Variants in SGK1 observed in about 807,000 individuals in gnomAD.
The protein encoded by SGK1 is serum/glucocorticoid regulated kinase 1.
A neutral mutation model predicts 64.2 loss-of-function variants in SGK1; 26 were observed. The ratio of observed to expected loss-of-function variants is 0.40; its 90% CI spans 0.30 to 0.56. The LOEUF (loss-of-function observed/expected upper bound fraction) is 0.56, where lower values mean the gene tolerates loss of function less well. SGK1 is among the 20% of genes least tolerant of loss of function. The pLI is 0.38. For synonymous variants in SGK1, 265 were observed against 239.7 expected, an observed-to-expected ratio of 1.11 and a Z score of -0.98; for missense variants, 519 against 645.6, an observed-to-expected ratio of 0.80 and a Z score of 2.12.
intron 3 of SGK1, among the ~76,000 whole-genome samples, chr6:134,175,184 CCT>C (rs1384922325): frequency 6.6e-6 from 1 of 152,136 alleles, no homozygotes; most frequent in Non-Finnish European, 1.5e-5. Flanking sequence ...TAGTTTTCCA[CCT>C]CTCTCATTTA....
intron 2 of SGK1, among the ~76,000 whole-genome samples, chr6:134,213,591 G>C (rs1344194318): frequency 1.0e-5 from 1 of 99,384 alleles, no homozygotes; most frequent in Non-Finnish European, 2.1e-5. Flanking sequence ...TCCAGCCTGG[G>C]TGACAAGAGC....
At chr6:134,312,648 C>T (rs1480752321) in intron 1 of SGK1, among the ~76,000 whole-genome samples, 1 of 152,196 alleles carries the variant, frequency 6.6e-6, no homozygotes, top group Non-Finnish European at 1.5e-5. Flanking sequence ...GGGATCCAAA[C>T]CCTGATCCTG....
Position 134,296,959 on chromosome 6 carries a change from G to A in SGK1, c.69+20433C>T, listed in dbSNP as rs118142934. 2,133 of 411,710 alleles carry A rather than the reference G, an allele frequency of 5.2e-3. 92 individuals are homozygous for A. The East Asian group carries it at 0.11, about 21-fold the overall frequency. The allele number at this position is 411,710 out of a possible 1,614,324, so 25.5% of individuals were successfully genotyped here. A position where few individuals can be genotyped will look rare whatever the true frequency, so the allele number is the denominator to read the frequency against. ...CTCCCTCCTGGGCTCTGGGGCAGCC[G>A]CAAGAGGGGCAGGCTGGGAGGGGCT... On this transcript the variant is annotated intron_variant, in intron 1 of 13. Coordinates refer to ENST00000367858, the MANE Select transcript of SGK1 (RefSeq NM_001143676.3).
chr6:134,186,387 A>G (rs994631467), intron 3 of SGK1, among the ~76,000 whole-genome samples: 1 of 152,222 alleles, frequency 6.6e-6, no homozygotes, highest in Non-Finnish European at 1.5e-5. Flanking sequence ...AAAGTCAATA[A>G]ATCTTGTAAA....
At chr6:134,193,038 C>A (rs1775539899) in intron 3 of SGK1, among the ~76,000 whole-genome samples, 1 of 152,178 alleles carries the variant, frequency 6.6e-6, no homozygotes, top group African/African-American at 2.4e-5. Flanking sequence ...TTACATTTAA[C>A]CAGATAAAAC....
At chr6:134,208,051 A>G (rs1420368311) in intron 2 of SGK1, among the ~76,000 whole-genome samples, 1 of 152,122 alleles carries the variant, frequency 6.6e-6, no homozygotes, top group Non-Finnish European at 1.5e-5. Context: ...AGCTGGGATT[A>G]TAGGCGTGTG....
chr6:134,235,277 A>G (rs1382928806), intron 2 of SGK1, among the ~76,000 whole-genome samples: 3 of 152,196 alleles, frequency 2.0e-5, no homozygotes, highest in African/African-American at 4.8e-5. Flanking sequence ...GAGATGTGCT[A>G]TGTAAGCTTT....
rs779036469 is a variant in SGK1 at position 134,317,416 on chromosome 6, T to C, written c.45A>G (p.Ser15=). The C allele has an allele frequency of 2.7e-5, 44 of 1,609,554 alleles. No individual in the cohort carries two copies. The highest frequency in any genetic ancestry group is 3.7e-5 in the Non-Finnish European group (44 of 1,175,840). ...CCCGCTTCTTAAAAAATTGGAAGGC[T>C]GAGCATTTCTTGACTGGGAATCCAT... The part of the protein sequence containing the change: ...DMNGFPVKKC[S]AFQFFKKRVR... The change falls in exon 1 of 14, where the codon TCA becomes TCG. Residue 15 remains serine (S), a synonymous_variant. Transcript: ENST00000367858.
chr6:134,170,051 T>C lies in SGK1; in HGVS notation c.*217A>G. ...GCTCGTTTCAGAGATAGCACCACGT[T>C]GGAAGGAAGAATAAAAATGAAAACC... On this transcript the variant is annotated 3_prime_UTR_variant, in exon 14 of 14. Transcript: ENST00000367858. The C allele has an allele frequency of 2.7e-6, 1 of 374,696 alleles. No homozygotes were observed. Among genetic ancestry groups the C allele is most frequent in the Non-Finnish European group, 4.9e-6 (1 of 206,002 alleles). 23.2% of individuals were successfully genotyped at this position (374,696 alleles called of 1,614,324 possible). A position where few individuals can be genotyped will look rare whatever the true frequency, so the allele number is the denominator to read the frequency against.
intron 3 of SGK1, among the ~76,000 whole-genome samples, chr6:134,191,665 T>G (rs1775511229): frequency 6.6e-6 from 1 of 151,548 alleles, no homozygotes; most frequent in African/African-American, 2.4e-5. Flanking sequence ...TTTTGTTTTT[T>G]TGTTTTTGTT....
chr6:134,280,145 C>T (rs1022332535), intron 1 of SGK1, among the ~76,000 whole-genome samples: 2 of 147,336 alleles, frequency 1.4e-5, no homozygotes, highest in African/African-American at 5.1e-5. Context: ...CAGTGAGCCA[C>T]GATCATGCCA....
At chr6:134,258,654 G>A (rs1051991271) in intron 2 of SGK1, among the ~76,000 whole-genome samples, 1 of 152,094 alleles carries the variant, frequency 6.6e-6, no homozygotes, top group Non-Finnish European at 1.5e-5. Context: ...CTAGTAAGCC[G>A]AGATCGCGCC....
At chr6:134,175,130 G>A (rs896477522) in intron 3 of SGK1, among the ~76,000 whole-genome samples, 9 of 152,168 alleles carry the variant, frequency 5.9e-5, no homozygotes, top group African/African-American at 1.9e-4. Flanking sequence ...AGGAGAGAGA[G>A]AACGCGCCGG....
chr6:134,220,042 G>A (rs1289081589), intron 2 of SGK1, among the ~76,000 whole-genome samples: 1 of 103,306 alleles, frequency 9.7e-6, no homozygotes, highest in Non-Finnish European at 1.9e-5. Context: ...CTGGGCGACA[G>A]AGCGAGACTC....
At chr6:134,259,738 G>T (rs1763506) in intron 2 of SGK1, 1 of 152,028 alleles carries the variant, frequency 6.6e-6, no homozygotes, top group South Asian at 2.1e-4. Context: ...CTATCTGGCC[G>T]TTTAGATAAA....
At chr6:134,224,815 G>T (rs146683553) in intron 2 of SGK1, among the ~76,000 whole-genome samples, 9,031 of 151,798 alleles carry the variant, frequency 0.059, 362 homozygotes, top group Non-Finnish European at 0.088. Flanking sequence ...CAGGTCAGGA[G>T]ATCGAGACTA....
intron 3 of SGK1, among the ~76,000 whole-genome samples, chr6:134,178,078 G>C (rs1775276340): frequency 6.6e-6 from 1 of 152,162 alleles, no homozygotes; most frequent in African/African-American, 2.4e-5. Flanking sequence ...ACATGCACAG[G>C]ATTTATTTTC....
chr6:134,232,413 G>GAAAAGAAAGAAAGAA (rs79009962), intron 2 of SGK1, among the ~76,000 whole-genome samples: 2 of 47,778 alleles, frequency 4.2e-5, no homozygotes, highest in East Asian at 1.4e-3. Context: ...AAGAAAGAAA[G>GAAAAGAAAGAAAGAA]AGAAAGAAAG....
At chr6:134,194,426 A>G (rs1485362171) in intron 3 of SGK1, among the ~76,000 whole-genome samples, 1 of 151,764 alleles carries the variant, frequency 6.6e-6, no homozygotes, top group Non-Finnish European at 1.5e-5. Context: ...GCCCAGTGGA[A>G]CTCTCTGAGC....
Sources: gnomAD v4.1 joint callset for allele counts (sites outside exome capture counted in the v4.1 genomes callset) on GRCh38, gnomAD v4.1.1 for gene constraint, MANE v1.5 for transcripts, NCBI Gene and HGNC (gene_info 2026-07-23, HGNC 2026-07-21) for gene names.